The following UTY variants were observed in gnomAD, a reference collection of about 807,000 sequenced individuals.
The protein encoded by UTY is histone demethylase UTY.
Under a neutral mutation model 32.5 loss-of-function variants are expected in UTY, and 12 were observed. That is an observed-to-expected ratio of 0.37 (90% CI 0.24 to 0.60). The LOEUF (loss-of-function observed/expected upper bound fraction) is 0.60, where lower values mean the gene tolerates loss of function less well. Among genes scored for constraint, UTY ranks in the 20% least tolerant of loss-of-function variants. The probability of loss-of-function intolerance (pLI) is 0.69; values close to 1 mark genes in which losing one functional copy is unlikely to be tolerated. For synonymous variants in UTY, 131 were observed against 103.4 expected (o/e 1.27, Z -1.62); for missense variants, 303 against 299.2 (o/e 1.01, Z -0.09).
chrY:13,346,146 G>T (rs2061875170), intron 17 of UTY, among the ~76,000 whole-genome samples: 1 of 33,011 alleles, frequency 3.0e-5, no homozygotes. Flanking sequence ...ACACAGGAAG[G>T]GTTGCTCTAT....
At chrY:13,256,586 C>A in intron 28 of UTY, among the ~76,000 whole-genome samples, 1 of 33,773 alleles carries the variant, frequency 3.0e-5, no homozygotes, top group African/African-American at 1.2e-4. Context: ...GGTCTAGTAA[C>A]GGTAAAGCTT....
chrY:13,298,814 T>G, intron 26 of UTY, 143 bp downstream of exon 26: 5 of 117,072 alleles, frequency 4.3e-5, no homozygotes, highest in Non-Finnish European at 7.4e-5. Flanking sequence ...GAGCTGAATT[T>G]AATTTCTGTA....
intron 14 of UTY, 145 bp from the exon 15 acceptor site, chrY:13,358,114 C>A: frequency 1.8e-5 from 3 of 170,706 alleles, no homozygotes; most frequent in Non-Finnish European, 2.9e-5. Flanking sequence ...ATTAAAAATG[C>A]ATAATTAATT....
At chrY:13,304,107 C>A (rs934977643) in intron 24 of UTY, 1 of 116,357 alleles carries the variant, frequency 8.6e-6, no homozygotes, top group South Asian at 4.1e-5. Flanking sequence ...TTACTGGCCA[C>A]GGAAATTTTG....
At position 13,249,716 on chromosome Y, in the gene UTY, C is replaced by T. The variant is rs2054008091; in HGVS notation, c.*140G>A. 1.1e-5 allele frequency: 1 copy of T among 92,207 alleles called. No homozygotes were observed. The highest frequency in any genetic ancestry group is 2.1e-5 in the Non-Finnish European group (1 of 46,920). 23.0% of individuals were successfully genotyped at this position (92,207 alleles called of 400,897 possible). A position where few individuals can be genotyped will look rare whatever the true frequency, so the allele number is the denominator to read the frequency against. Reference sequence around the variant, plus strand: ...CCTGAAGCAGAGGCAGCACTGTGTCCAGTTGCTTGACATACTATTCTTGGA... The same window carrying T: ...CCTGAAGCAGAGGCAGCACTGTGTCTAGTTGCTTGACATACTATTCTTGGA... On this transcript the variant is annotated 3_prime_UTR_variant, in exon 30 of 30. Coordinates refer to ENST00000545955, the MANE Select transcript of UTY (RefSeq NM_001258249.2).
chrY:13,401,899 G>A, intron 6 of UTY, among the ~76,000 whole-genome samples: 1 of 32,693 alleles, frequency 3.1e-5, no homozygotes, highest in Admixed American at 2.8e-4. Flanking sequence ...AAAATAACTT[G>A]CAAGATTACA....
intron 4 of UTY, among the ~76,000 whole-genome samples, chrY:13,433,163 G>A (rs926727817): frequency 8.9e-5 from 3 of 33,601 alleles, no homozygotes; most frequent in Non-Finnish European, 7.4e-5. Flanking sequence ...TGAGACGCAA[G>A]AGAAAATTCA....
chrY:13,413,719 T>A (rs781013448), intron 5 of UTY, among the ~76,000 whole-genome samples: 1 of 34,954 alleles, frequency 2.9e-5, no homozygotes, highest in East Asian at 7.6e-4. Flanking sequence ...GCCACAGACT[T>A]GCGCAGAGCT....
chrY:13,283,366 T>C (rs2057160618), intron 27 of UTY, among the ~76,000 whole-genome samples: 1 of 34,057 alleles, frequency 2.9e-5, no homozygotes, highest in Non-Finnish European at 7.3e-5. Context: ...GTGCCCTTTT[T>C]ACCTGTTCTT....
chrY:13,448,029 A>G, intron 4 of UTY, among the ~76,000 whole-genome samples: 1 of 33,881 alleles, frequency 3.0e-5, no homozygotes, highest in Non-Finnish European at 7.4e-5. Context: ...ATTGTTTGAC[A>G]AGATAGTAAC....
intron 27 of UTY, among the ~76,000 whole-genome samples, chrY:13,261,345 G>C (rs2055249012): frequency 3.0e-5 from 1 of 32,901 alleles, no homozygotes; most frequent in Non-Finnish European, 7.5e-5. Context: ...TATTTGGGGG[G>C]AAAATGATCA....
At chrY:13,253,512 G>A in intron 28 of UTY, among the ~76,000 whole-genome samples, 2 of 33,175 alleles carry the variant, frequency 6.0e-5, no homozygotes, top group Admixed American at 5.4e-4. Context: ...GGGTGATATA[G>A]AGGCTTGGCA....
At chrY:13,365,963 C>T in intron 10 of UTY, among the ~76,000 whole-genome samples, 1 of 33,237 alleles carries the variant, frequency 3.0e-5, no homozygotes, top group African/African-American at 1.2e-4. Flanking sequence ...TCCGGGCTCA[C>T]GCCATTCTCC....
intron 8 of UTY, among the ~76,000 whole-genome samples, chrY:13,390,652 T>A (rs1005458611): frequency 3.0e-5 from 1 of 33,553 alleles, no homozygotes; most frequent in Non-Finnish European, 7.4e-5. Flanking sequence ...TTAGTACTTT[T>A]ATCTCGTTAG....
At chrY:13,449,327 A>C in intron 3 of UTY, among the ~76,000 whole-genome samples, 1 of 33,294 alleles carries the variant, frequency 3.0e-5, no homozygotes, top group Non-Finnish European at 7.5e-5. Context: ...GACCAAAAGT[A>C]ATGGCAATCT....
At chrY:13,469,915 A>G in intron 3 of UTY, among the ~76,000 whole-genome samples, 1 of 33,877 alleles carries the variant, frequency 3.0e-5, no homozygotes, top group Non-Finnish European at 7.3e-5. Context: ...CGTTTTACTC[A>G]ATAATCTAAT....
intron 21 of UTY, among the ~76,000 whole-genome samples, chrY:13,315,469 G>A: frequency 3.0e-5 from 1 of 33,498 alleles, no homozygotes; most frequent in African/African-American, 1.2e-4. Flanking sequence ...TTAGCTGGGT[G>A]TGGTGGCGCA....
At chrY:13,446,551 GAGATAGATAGATAGAT>G (rs765977720) in intron 4 of UTY, among the ~76,000 whole-genome samples, 488 of 10,395 alleles carry the variant, frequency 0.047, no homozygotes, top group South Asian at 0.15. Flanking sequence ...GTAACAGTGT[GAGATAGATAGATAGAT>G]AGATAGATAG....
chrY:13,393,994 A>G, intron 7 of UTY, 101 bp from the exon 8 acceptor site: 1 of 147,873 alleles, frequency 6.8e-6, no homozygotes, highest in East Asian at 1.4e-4. Context: ...CGCAAATGCT[A>G]AAACTATGGA....
Sources: gnomAD v4.1 joint callset for allele counts (sites outside exome capture counted in the v4.1 genomes callset) on GRCh38, gnomAD v4.1.1 for gene constraint, MANE v1.5 for transcripts, NCBI Gene and HGNC (gene_info 2026-07-23, HGNC 2026-07-21) for gene names.